Variants in NOL11 observed in about 807,000 individuals in gnomAD.
NOL11 encodes the protein nucleolar protein 11.
A neutral mutation model predicts 93.0 loss-of-function variants in NOL11; 42 were observed. The observed-to-expected ratio is 0.45, with a 90% CI of 0.35 to 0.58. NOL11 has a LOEUF of 0.58. Among genes scored for constraint, NOL11 ranks in the 20% least tolerant of loss-of-function variants. NOL11 has a pLI of 0.00. For missense variants in NOL11, 775 were observed against 841.8 expected, an observed-to-expected ratio of 0.92 and a Z score of 0.98; for synonymous variants, 296 against 293.7, an observed-to-expected ratio of 1.01 and a Z score of -0.08.
intron 7 of NOL11, among the ~76,000 whole-genome samples, chr17:67,733,287 C>T (rs2055171599): frequency 6.6e-6 from 1 of 152,100 alleles, no homozygotes; most frequent in Non-Finnish European, 1.5e-5. Flanking sequence ...ATCACTTGAA[C>T]CCAGGAGGCA....
Position 67,743,511 on chromosome 17 carries a change from A to G in NOL11, c.1968A>G (p.Ala656=), listed in dbSNP as rs10127. The part of the protein sequence containing the change: ...IMDWICLLLD[A]NFTVVVMMPE... The stretch of plus-strand genomic sequence containing the variant: ...ATTGGATATGTCTACTTCTGGATGC[A>G]AATTTTACTGTTGTTGTAATGATGC... Residue 656 remains alanine, a synonymous_variant, in exon 17 of 18, where the codon GCA becomes GCG. Coordinates refer to ENST00000253247, the MANE Select transcript of NOL11 (RefSeq NM_015462.5). The G allele has an allele frequency of 0.53, 844,452 of 1,586,034 alleles. 227,358 individuals carry two copies. Among genetic ancestry groups the G allele is most frequent in the Admixed American group, 0.66 (38,638 of 58,644 alleles).
intron 8 of NOL11, 40 bp from the exon 9 acceptor site, chr17:67,735,857 AGAG>A (rs1307306536): frequency 5.8e-6 from 9 of 1,564,006 alleles, no homozygotes; most frequent in Non-Finnish European, 7.0e-6. Flanking sequence ...ATACCTTAGA[AGAG>A]AAAAAAATTT....
At chr17:67,739,162 A>G in intron 15 of NOL11, 152 bp downstream of exon 15, 1 of 632,032 alleles carries the variant, frequency 1.6e-6, no homozygotes, top group South Asian at 2.0e-5. Context: ...TTGTGCTGAG[A>G]AAACTAGAGC....
At chr17:67,724,003 T>G (rs1047254256) in intron 5 of NOL11, 46 bp from the exon 6 acceptor site, 7 of 1,375,818 alleles carry the variant, frequency 5.1e-6, no homozygotes, top group East Asian at 4.6e-5. Context: ...GTTAAAATAC[T>G]TGGTTGAAAT....
intron 14 of NOL11, 197 bp downstream of exon 14, chr17:67,738,552 T>C: frequency 1.8e-6 from 1 of 543,034 alleles, no homozygotes; most frequent in South Asian, 2.6e-5. Flanking sequence ...TTAACTAGGC[T>C]GGGCATGGGT....
At chr17:67,722,003 AC>A (rs2143081223) in intron 4 of NOL11, among the ~76,000 whole-genome samples, 1 of 140,968 alleles carries the variant, frequency 7.1e-6, no homozygotes, top group East Asian at 1.9e-4. Flanking sequence ...TGTTCATTTT[AC>A]TTGTTTTCTC....
intron 7 of NOL11, 73 bp downstream of exon 7, chr17:67,726,721 C>A: frequency 1.7e-6 from 2 of 1,191,282 alleles, no homozygotes; most frequent in Non-Finnish European, 2.3e-6. Context: ...TCTTCCTTTT[C>A]TTTTTCATTT....
intron 11 of NOL11, 32 bp downstream of exon 11, chr17:67,737,177 A>T: frequency 7.5e-7 from 1 of 1,340,442 alleles, no homozygotes; most frequent in East Asian, 2.3e-5. Flanking sequence ...ATGAAAAATC[A>T]AACTCAAGTG....
At chr17:67,720,760 A>C (rs2159910) in intron 3 of NOL11, among the ~76,000 whole-genome samples, 117,332 of 152,166 alleles carry the variant, frequency 0.77, 46,639 homozygotes, top group Non-Finnish European at 0.87. Flanking sequence ...AGTTCTTTCC[A>C]GTTCTAAATG....
At chr17:67,736,410 G>A (rs1247069928) in intron 9 of NOL11, among the ~76,000 whole-genome samples, 1 of 152,136 alleles carries the variant, frequency 6.6e-6, no homozygotes, top group Non-Finnish European at 1.5e-5. Flanking sequence ...GGCAATGGGA[G>A]AACCCCCAAA....
At chr17:67,738,402 A>G in intron 14 of NOL11, 47 bp downstream of exon 14, 1 of 1,190,248 alleles carries the variant, frequency 8.4e-7, no homozygotes, top group Non-Finnish European at 1.2e-6. Flanking sequence ...TATAGGATAT[A>G]GTTATATGCC....
Position 67,726,697 on chromosome 17 carries a change from GGT to G in NOL11, c.853+52_853+53del, listed in dbSNP as rs758258829. 4 of 1,349,698 alleles carry G rather than the reference GGT, an allele frequency of 3.0e-6. No individual in the cohort carries two copies. In the African/African-American group the frequency reaches 6.0e-5, roughly 20 times the overall value. The allele number at this position is 1,349,698 out of a possible 1,614,324, so 83.6% of individuals were successfully genotyped here. On this transcript the variant is annotated intron_variant, in intron 7 of 17. Transcript: ENST00000253247. ...GAAGGCCTTTGTATGTTTCCTTCACGGTGTACCTTTTAGTCTTCCTTTTCTTT... is the reference window on the plus strand; with the variant it reads ...GAAGGCCTTTGTATGTTTCCTTCACGGTACCTTTTAGTCTTCCTTTTCTTT...
intron 16 of NOL11, among the ~76,000 whole-genome samples, chr17:67,743,083 T>C (rs1438497562): frequency 6.6e-6 from 1 of 152,172 alleles, no homozygotes; most frequent in South Asian, 2.1e-4. Flanking sequence ...TCTACAAAAA[T>C]TGCTAAAAAG....
intron 3 of NOL11, 44 bp downstream of exon 3, chr17:67,720,006 G>T: frequency 1.3e-6 from 2 of 1,487,866 alleles, no homozygotes; most frequent in South Asian, 2.6e-5. Context: ...GCTTATTGGT[G>T]AATTAGAATC....
Position 67,724,168 on chromosome 17 carries a change from G to C in NOL11, c.639G>C (p.Arg213=). ...AGAGTTTTACTGCATCTGTAGATCG[G>C]AAATTCATCTCTTTGATGTCATTAA... ...VIKSFTASVD[R]KFISLMSLSS... The change falls in exon 6 of 18, where the codon CGG becomes CGC. Residue 213 remains arginine (R), a synonymous_variant. Coordinates refer to ENST00000253247, the MANE Select transcript of NOL11 (RefSeq NM_015462.5). The C allele has an allele frequency of 1.3e-6, 2 of 1,572,564 alleles. No individual in the cohort carries two copies. The highest frequency in any genetic ancestry group is 2.3e-5 in the South Asian group (2 of 86,490).
At position 67,726,569 on chromosome 17, in the gene NOL11, C is replaced by T. The variant is rs751515372; in HGVS notation, c.774C>T (p.Asn258=). 1.6e-5 allele frequency: 26 copies of T among 1,613,962 alleles called. No homozygotes were observed. The highest frequency in any genetic ancestry group is 1.1e-4 in the African/African-American group (8 of 74,904). ...TGCTCAAGGCTGTTGTATCTGGTAA[C>T]GCTCGAAATGGAGTTGCACTCACTG... ...SLLLKAVVSG[N]ARNGVALTAL... The change falls in exon 7 of 18, where the codon AAC becomes AAT. Residue 258 remains asparagine (N), a synonymous_variant. Transcript: ENST00000253247.
chr17:67,735,939 A>C lies in NOL11; in HGVS notation c.970A>C (p.Lys324Gln). 1 of 1,612,282 alleles carries C rather than the reference A, an allele frequency of 6.2e-7. No individual in the cohort carries two copies. ...YGEHLFMLHG[K>Q]SLTVIPYKCE... The stretch of plus-strand genomic sequence containing the variant: ...AGAACATTTGTTTATGCTACATGGA[A>C]AATCTCTAACTGTGATTCCATACAA... The change falls in exon 9 of 18, where the codon AAA becomes CAA. Residue 324 changes from lysine to glutamine, a missense_variant. Around this residue, in one of 2 missense-constraint regions of NOL11, gnomAD observed 416 missense variants for 525.2 expected, o/e 0.79. Coordinates refer to ENST00000253247, the MANE Select transcript of NOL11 (RefSeq NM_015462.5).
chr17:67,724,002 C>G, intron 5 of NOL11, 47 bp from the exon 6 acceptor site: 1 of 1,364,524 alleles, frequency 7.3e-7, no homozygotes, highest in Non-Finnish European at 9.9e-7. Context: ...TGTTAAAATA[C>G]TTGGTTGAAA....
At chr17:67,736,098 G>A in intron 9 of NOL11, 75 bp downstream of exon 9, 2 of 1,307,256 alleles carry the variant, frequency 1.5e-6, no homozygotes, top group Non-Finnish European at 2.1e-6. Flanking sequence ...GATTCCCACA[G>A]CCTTCTATTT....
Sources: gnomAD v4.1 joint callset for allele counts (sites outside exome capture counted in the v4.1 genomes callset) on GRCh38, gnomAD v4.1.1 for gene constraint, gnomAD v4.1.1 regional missense constraint, MANE v1.5 for transcripts, NCBI Gene and HGNC (gene_info 2026-07-23, HGNC 2026-07-21) for gene names.